Variants in LPL observed in about 807,000 individuals in gnomAD.
LPL encodes the protein lipoprotein lipase.
LPL carries 43 observed loss-of-function variants against 52.2 expected under a neutral mutation model. The ratio of observed to expected loss-of-function variants is 0.82; its 90% CI spans 0.64 to 1.06. The LOEUF (loss-of-function observed/expected upper bound fraction) is 1.06. Ranked by LOEUF, LPL falls within the 50% of genes least tolerant of loss-of-function variation. The pLI, the probability that LPL is intolerant of heterozygous loss-of-function variation, is 0.00. For missense variants in LPL, 639 were observed against 585.3 expected (o/e 1.09, Z -0.95); for synonymous variants, 244 against 215.6 (o/e 1.13, Z -1.15).
In LPL at chr8:19,961,056, G is replaced by C. The variant is rs760824086; in HGVS notation, c.1295G>C (p.Arg432Thr). Residue 432 changes from arginine (R) to threonine (T), a missense_variant, in exon 8 of 10, where the codon AGA (arginine) becomes ACA (threonine). Physicochemically the swap from Arg to Thr is moderately conservative, Grantham distance 71 (BLOSUM62 -1). Coordinates refer to ENST00000650287, the MANE Select transcript of LPL (RefSeq NM_000237.3). ...CCCGGCTTCGCCATTCAGAAGATCA[G>C]AGTAAAAGCAGGAGAGACTCAGAAA... The part of the protein sequence containing the change: ...SSPGFAIQKI[R>T]VKAGETQKKV... 9.9e-6 allele frequency: 16 copies of C among 1,614,116 alleles called. 1 individual carries two copies. The highest frequency in any genetic ancestry group is 1.6e-4 in the Middle Eastern group (1 of 6,062).
chr8:19,958,394 C>G (rs1402199175), intron 6 of LPL, among the ~76,000 whole-genome samples: 3 of 152,022 alleles, frequency 2.0e-5, no homozygotes, highest in Non-Finnish European at 2.9e-5. Flanking sequence ...AACCTCTCCC[C>G]AGGCCCATTT....
intron 6 of LPL, among the ~76,000 whole-genome samples, 200 bp downstream of exon 6, chr8:19,956,283 C>T (rs935903614): frequency 3.3e-5 from 5 of 152,148 alleles, no homozygotes; most frequent in Admixed American, 1.3e-4. Flanking sequence ...CAGCAAGGTC[C>T]CAGTGCTCAG....
At chr8:19,945,656 C>T (rs1350057480) in intron 1 of LPL, among the ~76,000 whole-genome samples, 2 of 152,152 alleles carry the variant, frequency 1.3e-5, no homozygotes, top group Non-Finnish European at 2.9e-5. Flanking sequence ...TACACAAAGC[C>T]AGTCTTAGTC....
intron 4 of LPL, 83 bp downstream of exon 4, chr8:19,953,504 A>G: frequency 1.0e-6 from 1 of 973,306 alleles, no homozygotes; most frequent in Non-Finnish European, 1.6e-6. Flanking sequence ...ATTTTGTTAA[A>G]TACCCACATG....
At position 19,956,099 on chromosome 8, in the gene LPL, T is replaced by C. The variant is rs59184895; in HGVS notation, c.1018+16T>C. ...CCCTACAAAGGTAGGCTGGAGACTG[T>C]TGTAAATAAGGAAACCAAGGAGTCC... On this transcript the variant is annotated intron_variant, in intron 6 of 9. Coordinates refer to ENST00000650287, the MANE Select transcript of LPL (RefSeq NM_000237.3). 2.4e-3 allele frequency: 3,936 copies of C among 1,613,982 alleles called. 94 individuals carry two copies. The African/African-American group carries it at 0.046, about 19-fold the overall frequency.
Position 19,939,364 on chromosome 8 carries a change from C to T in LPL, c.-77C>T. The T allele has an allele frequency of 7.0e-7, 1 of 1,433,564 alleles. No homozygotes were observed. Among genetic ancestry groups the T allele is most frequent in the Non-Finnish European group, 9.6e-7 (1 of 1,044,598 alleles). The allele number at this position is 1,433,564 out of a possible 1,614,324, so 88.8% of individuals were successfully genotyped here. On this transcript the variant is annotated 5_prime_UTR_variant, in exon 1 of 10. Coordinates refer to ENST00000650287, the MANE Select transcript of LPL (RefSeq NM_000237.3). This position sits in a 1 kb window ranked among gnomAD's most constrained non-coding sequence, Gnocchi z 4.0. Reference sequence around the variant, plus strand: ...GCTCAGCGCCAAACCGCGGCTCCAGCCCTCTCCAGCCTCCGGCTCAGCCGG... The same window carrying T: ...GCTCAGCGCCAAACCGCGGCTCCAGTCCTCTCCAGCCTCCGGCTCAGCCGG...
At chr8:19,961,122 C>G (rs777469267) in intron 8 of LPL, 39 bp downstream of exon 8, 6 of 1,585,652 alleles carry the variant, frequency 3.8e-6, no homozygotes, top group East Asian at 2.3e-5. Context: ...TTTAGACCCC[C>G]ACCTGATGTC....
Position 19,954,290 on chromosome 8 carries a change from A to C in LPL, c.712A>C (p.Thr238Pro). 4 of 1,614,212 alleles carry C rather than the reference A, an allele frequency of 2.5e-6. No individual in the cohort carries two copies. Among genetic ancestry groups the C allele is most frequent in the Non-Finnish European group, 3.4e-6 (4 of 1,180,040 alleles). The change falls in exon 5 of 10, where the codon ACT becomes CCT. Residue 238 changes from threonine (T) to proline (P), a missense_variant. Physicochemically the swap from Thr to Pro is conservative, Grantham distance 38. Transcript: ENST00000650287. The part of the protein sequence containing the change: ...GHVDIYPNGG[T>P]FQPGCNIGEA... ...TGTTGACATTTACCCGAATGGAGGT[A>C]CTTTTCAGCCAGGATGTAACATTGG...
At position 19,959,348 on chromosome 8, in the gene LPL, C is replaced by G. The variant is rs200121996; in HGVS notation, c.1107C>G (p.Thr369=). ...CCTTTGAGATTTCTCTGTATGGCACCGTGGCCGAGAGTGAGAACATCCCAT... is the reference window on the plus strand; with the variant it reads ...CCTTTGAGATTTCTCTGTATGGCACGGTGGCCGAGAGTGAGAACATCCCAT... ...NQAFEISLYG[T]VAESENIPFT... The change falls in exon 7 of 10, where the codon ACC becomes ACG. Residue 369 remains threonine (T), a synonymous_variant. Coordinates refer to ENST00000650287, the MANE Select transcript of LPL (RefSeq NM_000237.3). 1 of 1,614,102 alleles carries G rather than the reference C, an allele frequency of 6.2e-7. No homozygotes were observed. The highest frequency in any genetic ancestry group is 1.1e-5 in the South Asian group (1 of 91,080).
In LPL at chr8:19,951,846, T is replaced by C. The variant is rs1208610204; in HGVS notation, c.327T>C (p.Ile109=). 2 of 1,614,090 alleles carry C rather than the reference T, an allele frequency of 1.2e-6. No homozygotes were observed. The highest frequency in any genetic ancestry group is 1.7e-6 in the Non-Finnish European group (2 of 1,180,014). Residue 109 remains isoleucine (I), a synonymous_variant, in exon 3 of 10, where the codon ATT becomes ATC. Coordinates refer to ENST00000650287, the MANE Select transcript of LPL (RefSeq NM_000237.3). ...AGAGAGAACCAGACTCCAATGTCAT[T>C]GTGGTGGACTGGCTGTCACGGGCTC... ...LYKREPDSNV[I]VVDWLSRAQE... is the part of the protein sequence containing the mutation.
At chr8:19,961,448 T>G (rs2070038484) in intron 8 of LPL, among the ~76,000 whole-genome samples, 2 of 151,764 alleles carry the variant, frequency 1.3e-5, no homozygotes, top group African/African-American at 4.8e-5. Context: ...TAATCAAAGA[T>G]TCAAACCAAC....
chr8:19,963,522 A>G (rs1428322183), intron 9 of LPL, among the ~76,000 whole-genome samples: 2 of 152,168 alleles, frequency 1.3e-5, no homozygotes, highest in African/African-American at 4.8e-5. Context: ...CTACTTTATA[A>G]TAGATTTTAT....
intron 1 of LPL, among the ~76,000 whole-genome samples, chr8:19,940,355 G>A (rs754963971): frequency 1.5e-3 from 232 of 152,318 alleles, no homozygotes; most frequent in Non-Finnish European, 2.4e-3. Flanking sequence ...TCTGTCCTGG[G>A]GGCTGAGGTC....
At chr8:19,957,409 G>A (rs2069995420) in intron 6 of LPL, among the ~76,000 whole-genome samples, 2 of 152,078 alleles carry the variant, frequency 1.3e-5, no homozygotes, top group African/African-American at 4.8e-5. Context: ...TGTCTTTCGT[G>A]GTATAGAGGT....
chr8:19,946,623 C>A, intron 1 of LPL: 2 of 224,620 alleles, frequency 8.9e-6, no homozygotes. Flanking sequence ...GTAGTCCTCG[C>A]AGCCTCATGA....
chr8:19,943,593 C>T (rs988509919), intron 1 of LPL, among the ~76,000 whole-genome samples: 1 of 152,130 alleles, frequency 6.6e-6, no homozygotes, highest in African/African-American at 2.4e-5. Flanking sequence ...CTCAGATTAA[C>T]CAGGTAAGTA....
rs2069927458 is a variant in LPL, at chr8:19,950,852, AG to A, written c.250-914del. 6.8e-6 allele frequency among the ~76,000 whole-genome samples: 1 copy of A among 146,666 alleles called. No individual in the cohort carries two copies. Among genetic ancestry groups the A allele is most frequent in the Admixed American group, 6.8e-5 (1 of 14,706 alleles). The stretch of plus-strand genomic sequence containing the variant: ...AGAAAGGAAGGAATGAAAGGAAGGA[AG>A]GGAAGGAGGAAGGGAAGGAGGGAGG... On this transcript the variant is annotated intron_variant, in intron 2 of 9. Transcript: ENST00000650287. This position sits in a 1 kb window ranked among gnomAD's most constrained non-coding sequence, Gnocchi z 4.2.
intron 2 of LPL, among the ~76,000 whole-genome samples, chr8:19,949,952 A>G (rs967318706): frequency 8.1e-6 from 1 of 123,602 alleles, no homozygotes. Context: ...AAGTTGTGGG[A>G]AAAAAATGGT....
intron 2 of LPL, among the ~76,000 whole-genome samples, chr8:19,949,637 C>G (rs2069916083): frequency 6.6e-6 from 1 of 152,142 alleles, no homozygotes; most frequent in Admixed American, 6.5e-5. Flanking sequence ...CGCCCACCAC[C>G]ACACCCGGCC....
Sources: gnomAD v4.1 joint callset for allele counts (sites outside exome capture counted in the v4.1 genomes callset) on GRCh38, gnomAD v4.1.1 for gene constraint, Gnocchi (gnomAD v3.1) non-coding constraint, MANE v1.5 for transcripts, NCBI Gene and HGNC (gene_info 2026-07-23, HGNC 2026-07-21) for gene names.